The following GEMIN5 variants were observed in gnomAD, a reference collection of about 807,000 sequenced individuals.
The protein encoded by GEMIN5 is gem nuclear organelle associated protein 5, also known as gem-associated protein 5.
GEMIN5 carries 124 observed loss-of-function variants against 176.9 expected under a neutral mutation model. The observed-to-expected ratio is 0.70, with a 90% CI of 0.61 to 0.81. The LOEUF is 0.81. Ranked by LOEUF, GEMIN5 falls within the 40% of genes least tolerant of loss-of-function variation. The probability of loss-of-function intolerance (pLI) is 0.00; values close to 1 mark genes in which losing one functional copy is unlikely to be tolerated. For synonymous variants in GEMIN5, 673 were observed against 665.2 expected, an observed-to-expected ratio of 1.01 and a Z score of -0.18; for missense variants, 1,843 against 1,814.6, an observed-to-expected ratio of 1.02 and a Z score of -0.28.
rs76530344 is a variant in GEMIN5, at chr5:154,907,592, C to T, written c.2394G>A (p.Ala798=). 3.0e-4 allele frequency: 489 copies of T among 1,611,950 alleles called. 2 individuals carry two copies. The African/African-American group carries it at 5.5e-3, about 18-fold the overall frequency. The change falls in exon 16 of 28, where the codon GCG becomes GCA. Residue 798 remains alanine, a splice_region_variant and synonymous_variant. Transcript: ENST00000285873. The stretch of plus-strand genomic sequence containing the variant: ...GATACACAGGATTCTGCCACATACC[C>T]GCTGGAGCAAGGCCACAGGGTAATT... ...EPELPCGLAP[A]VSREPVICTP...
intron 9 of GEMIN5, among the ~76,000 whole-genome samples, chr5:154,922,771 A>G (rs1285212912): frequency 4.0e-5 from 5 of 124,268 alleles, no homozygotes; most frequent in Non-Finnish European, 8.7e-5. Context: ...ATCTCGGCTC[A>G]CCGCAACCTC....
chr5:154,921,426 C>A lies in GEMIN5; in HGVS notation c.1380-1G>T. The stretch of plus-strand genomic sequence containing the variant: ...ATATGTGCTAGAAATCTGTGGAGGC[C>A]TTTAGAAGAGCAGGGAGAGAGAACA... On this transcript the variant is annotated splice_acceptor_variant, in intron 9 of 27. Transcript: ENST00000285873. LOFTEE classifies it high-confidence loss of function. 7.3e-7 allele frequency: 1 copy of A among 1,367,724 alleles called. No individual in the cohort carries two copies. The highest frequency in any genetic ancestry group is 1.0e-6 in the Non-Finnish European group (1 of 981,576). 84.7% of individuals were successfully genotyped at this position (1,367,724 alleles called of 1,614,324 possible). A position where few individuals can be genotyped will look rare whatever the true frequency, so the allele number is the denominator to read the frequency against.
At chr5:154,935,378 G>GA (rs992832266) in intron 3 of GEMIN5, among the ~76,000 whole-genome samples, 4 of 152,214 alleles carry the variant, frequency 2.6e-5, no homozygotes, top group Admixed American at 6.5e-5. Context: ...ATGAAATGGT[G>GA]AAAGAAACGG....
chr5:154,926,054 G>A lies in GEMIN5; in HGVS notation c.1101C>T (p.Ala367=). 6.2e-7 allele frequency: 1 copy of A among 1,611,536 alleles called. No homozygotes were observed. The highest frequency in any genetic ancestry group is 8.5e-7 in the Non-Finnish European group (1 of 1,177,790). Residue 367 remains alanine, a synonymous_variant, in exon 8 of 28, where the codon GCC becomes GCT. Transcript: ENST00000285873. ...GAAGGGTCCAGCTGCACTCCAAGGTGGCTATGTCCCAACATTTTACCTGCA... is the reference window on the plus strand; with the variant it reads ...GAAGGGTCCAGCTGCACTCCAAGGTAGCTATGTCCCAACATTTTACCTGCA... ...MDRDVKCWDI[A]TLECSWTLPS...
At chr5:154,902,301 C>T (rs1047120000) in intron 20 of GEMIN5, among the ~76,000 whole-genome samples, 2 of 152,134 alleles carry the variant, frequency 1.3e-5, no homozygotes, top group African/African-American at 4.8e-5. Flanking sequence ...CTAGACATGG[C>T]CAAATTGTCC....
chr5:154,937,186 CTT>C lies in GEMIN5; in HGVS notation c.167-3_167-2del, dbSNP rs757643066. Reference sequence around the variant, plus strand: ...GTGTGTCCCACCAACTCTCCTATGACTTTAAGCAAAACCAGACGCTAGGTTAA... The same window carrying C: ...GTGTGTCCCACCAACTCTCCTATGACTAAGCAAAACCAGACGCTAGGTTAA... On this transcript the variant is annotated splice_acceptor_variant and splice_polypyrimidine_tract_variant and intron_variant, in intron 1 of 27. Transcript: ENST00000285873. LOFTEE classifies it high-confidence loss of function. 4.7e-5 allele frequency: 75 copies of C among 1,597,828 alleles called. No individual in the cohort carries two copies. In the South Asian group the frequency reaches 6.0e-4, roughly 13 times the overall value.
Position 154,893,317 on chromosome 5 carries a change from C to A in GEMIN5, c.3598-768G>T, listed in dbSNP as rs1416834844. Among the ~76,000 whole-genome samples, 8 of 147,222 alleles carry A rather than the reference C, an allele frequency of 5.4e-5. No individual in the cohort carries two copies. In the South Asian group the frequency reaches 1.7e-3, roughly 32 times the overall value. ...TGGTGGTGCACGCCTGTAATCCCAG[C>A]TACTTGGGAGGCTGAGGCGGAAGAA... On this transcript the variant is annotated intron_variant, in intron 24 of 27. Transcript: ENST00000285873.
chr5:154,909,077 G>A (rs1763636949), intron 15 of GEMIN5, among the ~76,000 whole-genome samples: 1 of 151,328 alleles, frequency 6.6e-6, no homozygotes, highest in South Asian at 2.1e-4. Context: ...TCCTGCCTCA[G>A]CCTCTTGAAT....
intron 26 of GEMIN5, among the ~76,000 whole-genome samples, chr5:154,890,156 T>C (rs1323010176): frequency 6.6e-6 from 1 of 152,232 alleles, no homozygotes; most frequent in East Asian, 1.9e-4. Context: ...AGTAGCCTAA[T>C]GGCTATGAAG....
Position 154,938,115 on chromosome 5 carries a change from TC to T in GEMIN5, c.18del (p.Thr7ArgfsTer51). 1 of 1,404,124 alleles carries T rather than the reference TC, an allele frequency of 7.1e-7. No homozygotes were observed. The highest frequency in any genetic ancestry group is 9.3e-7 in the Non-Finnish European group (1 of 1,075,422). 87.0% of individuals were successfully genotyped at this position (1,404,124 alleles called of 1,614,324 possible). On this transcript the variant is annotated frameshift_variant, in exon 1 of 28. Coordinates refer to ENST00000285873, the MANE Select transcript of GEMIN5 (RefSeq NM_015465.5). LOFTEE classifies it high-confidence loss of function. MGQEP[R>X]TLPPSPNWYC... ...TACCAGTTGGGGGAGGGCGGCAGCG[TC>T]CGCGGCTCCTGCCCCATAACTACAA...
intron 22 of GEMIN5, 96 bp downstream of exon 22, chr5:154,899,095 A>T: frequency 1.7e-6 from 2 of 1,172,710 alleles, no homozygotes; most frequent in Non-Finnish European, 2.4e-6. Flanking sequence ...TTGCTGCTTT[A>T]CCTCCACCTC....
intron 26 of GEMIN5, among the ~76,000 whole-genome samples, chr5:154,890,233 C>T (rs1408918830): frequency 6.6e-6 from 1 of 152,224 alleles, no homozygotes; most frequent in Non-Finnish European, 1.5e-5. Context: ...ATTTCCTGTG[C>T]TTACTGGCTT....
intron 24 of GEMIN5, among the ~76,000 whole-genome samples, chr5:154,894,764 G>A (rs949530145): frequency 1.2e-4 from 19 of 152,092 alleles, no homozygotes; most frequent in African/African-American, 2.7e-4. Flanking sequence ...AAAATTAGCC[G>A]GGCATGGTGG....
intron 13 of GEMIN5, among the ~76,000 whole-genome samples, chr5:154,916,638 C>T (rs75241060): frequency 6.6e-6 from 1 of 152,148 alleles, no homozygotes; most frequent in East Asian, 1.9e-4. Flanking sequence ...AAGGCATGCA[C>T]CTCTAACCCG....
intron 10 of GEMIN5, among the ~76,000 whole-genome samples, chr5:154,920,980 T>C (rs1763909713): frequency 6.6e-6 from 1 of 152,196 alleles, no homozygotes; most frequent in Non-Finnish European, 1.5e-5. Flanking sequence ...ATTCCATTAA[T>C]ATACTGAAGT....
intron 24 of GEMIN5, 39 bp from the exon 25 acceptor site, chr5:154,892,588 C>CA: frequency 1.3e-6 from 2 of 1,598,608 alleles, no homozygotes; most frequent in South Asian, 1.1e-5. Flanking sequence ...AACATCCTCC[C>CA]ACGGTAGGCG....
intron 16 of GEMIN5, 87 bp downstream of exon 16, chr5:154,907,504 G>C (rs1763591746): frequency 1.2e-6 from 1 of 800,430 alleles, no homozygotes; most frequent in Admixed American, 2.7e-5. Context: ...AATGGGAACA[G>C]CGAAGTTTCA....
intron 9 of GEMIN5, among the ~76,000 whole-genome samples, chr5:154,922,898 G>A (rs1054911298): frequency 5.3e-5 from 8 of 151,758 alleles, no homozygotes; most frequent in Non-Finnish European, 1.0e-4. Flanking sequence ...GGCTTTCACC[G>A]TGTTAGCCAG....
At chr5:154,895,761 C>T (rs866345851) in intron 24 of GEMIN5, among the ~76,000 whole-genome samples, 5 of 151,950 alleles carry the variant, frequency 3.3e-5, no homozygotes, top group South Asian at 4.2e-4. Flanking sequence ...TGGTGGCGCA[C>T]GCCTGTAATC....
Sources: allele counts gnomAD v4.1 joint callset (sites outside exome capture counted in the v4.1 genomes callset), GRCh38; gene constraint gnomAD v4.1.1; transcripts MANE v1.5; gene names NCBI Gene and HGNC (gene_info 2026-07-23, HGNC 2026-07-21).